The following SPRR2D variants were observed in gnomAD, a reference collection of about 807,000 sequenced individuals.
SPRR2D encodes the protein small proline rich protein 2D.
For missense variants in SPRR2D, 81 were observed against 87.2 expected (o/e 0.93, Z 0.28); for synonymous variants, 43 against 32.8 (o/e 1.31, Z -1.06).
rs1653950423 is a variant in SPRR2D, at chr1:153,040,197, G to A, written c.150C>T (p.Cys50=). 1 of 1,612,990 alleles carries A rather than the reference G, an allele frequency of 6.2e-7. No individual in the cohort carries two copies. Among genetic ancestry groups the A allele is most frequent in the Non-Finnish European group, 8.5e-7 (1 of 1,179,860 alleles). Residue 50 remains cysteine, a synonymous_variant, in exon 2 of 2, where the codon TGC becomes TGT. Transcript: ENST00000360379. ...GTGTCACAGGAGGATATTTCTGCTG[G>A]CACTGCTGAGGTGGGCAGGGCTGTG... ...KCPQPCPPQQ[C]QQKYPPVTPS...
rs111553441 is a variant in SPRR2D, at chr1:153,040,278, G to A, written c.69C>T (p.Cys23=). 2.5e-6 allele frequency: 4 copies of A among 1,612,374 alleles called. No individual in the cohort carries two copies. Among genetic ancestry groups the A allele is most frequent in the Middle Eastern group, 2.1e-4 (1 of 4,818 alleles). The change falls in exon 2 of 2, where the codon TGC becomes TGT. Residue 23 remains cysteine (C), a synonymous_variant. Transcript: ENST00000360379. ...QPPPVCPTPK[C]PEPCPPPKCP... Reference sequence around the variant, plus strand: ...ACTTCGGGGGTGGACATGGCTCTGGGCACTTTGGCGTGGGGCACACAGGAG... The same window carrying A: ...ACTTCGGGGGTGGACATGGCTCTGGACACTTTGGCGTGGGGCACACAGGAG...
intron 1 of SPRR2D, chr1:153,040,626 A>G: frequency 1.6e-6 from 1 of 620,322 alleles, no homozygotes; most frequent in Non-Finnish European, 2.7e-6. Flanking sequence ...TATTTCTGTG[A>G]AAATAACATC....
intron 1 of SPRR2D, 121 bp from the exon 2 acceptor site, chr1:153,040,486 C>A: frequency 6.8e-7 from 1 of 1,470,812 alleles, no homozygotes. Flanking sequence ...AAACTCTTAA[C>A]TGCCTTTTCA....
chr1:153,040,579 C>G, intron 1 of SPRR2D: 1 of 837,002 alleles, frequency 1.2e-6, no homozygotes, highest in South Asian at 1.8e-5. Context: ...ACAATTTTTC[C>G]AAAGAAAATA....
intron 1 of SPRR2D, 145 bp downstream of exon 1, chr1:153,040,933 C>T (rs1653974396): frequency 1.3e-5 from 2 of 159,628 alleles, no homozygotes; most frequent in Middle Eastern, 3.3e-3. Context: ...AATAGCATAT[C>T]ACTGTACTCT....
chr1:153,040,292 G>C lies in SPRR2D; in HGVS notation c.55C>G (p.Pro19Ala), dbSNP rs561401452. 2 of 1,612,236 alleles carry C rather than the reference G, an allele frequency of 1.2e-6. No individual in the cohort carries two copies. Among genetic ancestry groups the C allele is most frequent in the African/African-American group, 1.3e-5 (1 of 74,950 alleles). Residue 19 changes from proline (P) to alanine (A), a missense_variant, in exon 2 of 2, where the codon CCC becomes GCC. Transcript: ENST00000360379. The part of the protein sequence containing the change: ...KQPCQPPPVC[P>A]TPKCPEPCPP... ...CATGGCTCTGGGCACTTTGGCGTGG[G>C]GCACACAGGAGGTGGCTGGCAGGGC...
intron 1 of SPRR2D, chr1:153,040,589 A>T: frequency 1.3e-6 from 1 of 767,170 alleles, no homozygotes; most frequent in East Asian, 2.7e-5. Context: ...CAAAGAAAAT[A>T]TCTCTGTAGT....
Position 153,040,078 on chromosome 1 carries a change from G to C in SPRR2D, c.*50C>G. The C allele has an allele frequency of 1.9e-6, 3 of 1,581,764 alleles. No homozygotes were observed. Among genetic ancestry groups the C allele is most frequent in the Non-Finnish European group, 2.6e-6 (3 of 1,163,420 alleles). On this transcript the variant is annotated 3_prime_UTR_variant, in exon 2 of 2. Coordinates refer to ENST00000360379, the MANE Select transcript of SPRR2D (RefSeq NM_006945.5). ...GATGCAAGTGGAGCTGTGGAACGAG[G>C]TGAGCCAATTATCCTTATCCTCTCA...
Position 153,040,100 on chromosome 1 carries a change from C to G in SPRR2D, c.*28G>C, listed in dbSNP as rs3204286. 1 of 1,606,124 alleles carries G rather than the reference C, an allele frequency of 6.2e-7. No individual in the cohort carries two copies. The highest frequency in any genetic ancestry group is 8.5e-7 in the Non-Finnish European group (1 of 1,176,904). The stretch of plus-strand genomic sequence containing the variant: ...GAGGTGAGCCAATTATCCTTATCCT[C>G]TCATGCTCCTGATGAATCCTGAAGC... On this transcript the variant is annotated 3_prime_UTR_variant, in exon 2 of 2. Transcript: ENST00000360379.
Position 153,039,828 on chromosome 1 carries a change from A to G in SPRR2D, c.*300T>C. 1 of 557,456 alleles carries G rather than the reference A, an allele frequency of 1.8e-6. No individual in the cohort carries two copies. The highest frequency in any genetic ancestry group is 3.1e-6 in the Non-Finnish European group (1 of 321,450). 34.5% of individuals were successfully genotyped at this position (557,456 alleles called of 1,614,324 possible). ...CAGGTGACAGACAGACACAGAACAC[A>G]TCAACAGAATTGTCTGATGGTTCCC... On this transcript the variant is annotated 3_prime_UTR_variant, in exon 2 of 2. Coordinates refer to ENST00000360379, the MANE Select transcript of SPRR2D (RefSeq NM_006945.5).
intron 1 of SPRR2D, chr1:153,040,725 T>C: frequency 2.9e-6 from 1 of 342,452 alleles, no homozygotes; most frequent in Non-Finnish European, 5.4e-6. Flanking sequence ...TCCCAGTGGG[T>C]TGACTTGAGC....
chr1:153,040,623 G>T, intron 1 of SPRR2D: 1 of 630,434 alleles, frequency 1.6e-6, no homozygotes, highest in Non-Finnish European at 2.6e-6. Context: ...TGTTATTTCT[G>T]TGAAAATAAC....
rs1653936264 is a variant in SPRR2D at position 153,039,906 on chromosome 1, A to T, written c.*222T>A. On this transcript the variant is annotated 3_prime_UTR_variant, in exon 2 of 2. Coordinates refer to ENST00000360379, the MANE Select transcript of SPRR2D (RefSeq NM_006945.5). ...GAAGCTCTGGGAGCTGGCACAGCTG[A>T]GGACTTCCTTTTCTTAGCTCCACCT... 2 of 913,758 alleles carry T rather than the reference A, an allele frequency of 2.2e-6. No individual in the cohort carries two copies. The highest frequency in any genetic ancestry group is 3.8e-5 in the South Asian group (2 of 53,144). 56.6% of individuals were successfully genotyped at this position (913,758 alleles called of 1,614,324 possible). A position where few individuals can be genotyped will look rare whatever the true frequency, so the allele number is the denominator to read the frequency against.
rs775402419 is a variant in SPRR2D, at chr1:153,040,299, A to G, written c.48T>C (p.Pro16=). 6 of 1,612,100 alleles carry G rather than the reference A, an allele frequency of 3.7e-6. No individual in the cohort carries two copies. Among genetic ancestry groups the G allele is most frequent in the African/African-American group, 1.3e-5 (1 of 74,846 alleles). Residue 16 remains proline, a synonymous_variant, in exon 2 of 2, where the codon CCT becomes CCC. Coordinates refer to ENST00000360379, the MANE Select transcript of SPRR2D (RefSeq NM_006945.5). ...QQCKQPCQPP[P]VCPTPKCPEP... The stretch of plus-strand genomic sequence containing the variant: ...CTGGGCACTTTGGCGTGGGGCACAC[A>G]GGAGGTGGCTGGCAGGGCTGCTTGC...
At chr1:153,040,524 T>C (rs890482877) in intron 1 of SPRR2D, 159 bp from the exon 2 acceptor site, 1 of 1,289,884 alleles carries the variant, frequency 7.8e-7, no homozygotes, top group Non-Finnish European at 1.0e-6. Flanking sequence ...CCTTCCACTT[T>C]AGCAAATTGC....
intron 1 of SPRR2D, 170 bp from the exon 2 acceptor site, chr1:153,040,535 T>G: frequency 8.4e-7 from 1 of 1,189,020 alleles, no homozygotes; most frequent in Non-Finnish European, 1.1e-6. Context: ...AGCAAATTGC[T>G]TCATTGGCCC....
rs373221372 is a variant in SPRR2D at position 153,040,598 on chromosome 1, G to T, written c.-19-233C>A. 5.6e-6 allele frequency: 4 copies of T among 712,864 alleles called. No homozygotes were observed. In the Admixed American group the frequency reaches 9.0e-5, roughly 16 times the overall value. The allele number at this position is 712,864 out of a possible 1,614,324, so 44.2% of individuals were successfully genotyped here. ...TTTTTCCAAAGAAAATATCTCTGTA[G>T]TAATGAACCAAGCATGTTATTTCTG... On this transcript the variant is annotated intron_variant, in intron 1 of 1. Transcript: ENST00000360379.
rs1240245324 is a variant in SPRR2D, at chr1:153,039,994, A to G, written c.*134T>C. 4 of 1,476,040 alleles carry G rather than the reference A, an allele frequency of 2.7e-6. No individual in the cohort carries two copies. The African/African-American group carries it at 4.2e-5, about 16-fold the overall frequency. The allele number at this position is 1,476,040 out of a possible 1,614,324, so 91.4% of individuals were successfully genotyped here. A position where few individuals can be genotyped will look rare whatever the true frequency, so the allele number is the denominator to read the frequency against. On this transcript the variant is annotated 3_prime_UTR_variant, in exon 2 of 2. Transcript: ENST00000360379. ...TTTGCTGTCACAGATCATCACAGGCAGGCCACAGGTTAAGGAGAAAGAAGC... is the reference window on the plus strand; with the variant it reads ...TTTGCTGTCACAGATCATCACAGGCGGGCCACAGGTTAAGGAGAAAGAAGC...
rs746370165 is a variant in SPRR2D at position 153,040,507 on chromosome 1, G to C, written c.-19-142C>G. ...TTAACTGCCTTTTCAAGACTACTTC[G>C]TTTCTCCCTTCCACTTTAGCAAATT... On this transcript the variant is annotated intron_variant, in intron 1 of 1. Coordinates refer to ENST00000360379, the MANE Select transcript of SPRR2D (RefSeq NM_006945.5). 1.0e-5 allele frequency: 14 copies of C among 1,391,990 alleles called. No homozygotes were observed. The Admixed American group carries it at 3.3e-4, about 33-fold the overall frequency. The allele number at this position is 1,391,990 out of a possible 1,614,324, so 86.2% of individuals were successfully genotyped here.
Sources: allele counts gnomAD v4.1 joint callset, GRCh38; gene constraint gnomAD v4.1.1; transcripts MANE v1.5; gene names NCBI Gene and HGNC (gene_info 2026-07-23, HGNC 2026-07-21).